AK8: variants seen among roughly 807,000 people sequenced by gnomAD.
AK8 encodes ATP-AMP transphosphorylase 8.
Under a neutral mutation model 54.6 loss-of-function variants are expected in AK8, and 44 were observed. That is an observed-to-expected ratio of 0.81 (90% CI 0.63 to 1.04). AK8 has a LOEUF of 1.04. Among genes scored for constraint, AK8 ranks in the 50% least tolerant of loss-of-function variants. The probability of loss-of-function intolerance (pLI) is 0.00; values close to 1 mark genes in which losing one functional copy is unlikely to be tolerated. For missense variants in AK8, 555 were observed against 613.6 expected, an observed-to-expected ratio of 0.90 and a Z score of 1.01; for synonymous variants, 239 against 245.6, an observed-to-expected ratio of 0.97 and a Z score of 0.25.
intron 4 of AK8, among the ~76,000 whole-genome samples, chr9:132,855,530 G>A (rs1002760858): frequency 2.0e-5 from 3 of 152,116 alleles, no homozygotes; most frequent in Admixed American, 2.0e-4. Flanking sequence ...TGGCCACGGT[G>A]GGAGTGTCTA....
At chr9:132,806,938 T>C (rs1840752004) in intron 10 of AK8, among the ~76,000 whole-genome samples, 1 of 152,154 alleles carries the variant, frequency 6.6e-6, no homozygotes, top group Non-Finnish European at 1.5e-5. Context: ...TATTAGGCCA[T>C]GAGGGACCTT....
At chr9:132,844,132 G>A (rs1427850137) in intron 5 of AK8, among the ~76,000 whole-genome samples, 1 of 152,016 alleles carries the variant, frequency 6.6e-6, no homozygotes. Flanking sequence ...GGTAGTCTGA[G>A]GATTCGGGCA....
chr9:132,854,069 T>G (rs993669158), intron 5 of AK8, among the ~76,000 whole-genome samples: 1 of 151,930 alleles, frequency 6.6e-6, no homozygotes, highest in Non-Finnish European at 1.5e-5. Context: ...GGTGTGGTGA[T>G]GCATGCCTGT....
intron 11 of AK8, among the ~76,000 whole-genome samples, chr9:132,780,716 T>C (rs902815234): frequency 6.6e-6 from 1 of 152,232 alleles, no homozygotes; most frequent in Admixed American, 6.5e-5. Flanking sequence ...ATCTCATTCT[T>C]GGGTGGTTTC....
chr9:132,816,522 C>A (rs1309052653), intron 9 of AK8, among the ~76,000 whole-genome samples: 1 of 152,136 alleles, frequency 6.6e-6, no homozygotes, highest in East Asian at 1.9e-4. Context: ...AAATAACCTG[C>A]TTTAGGTCAC....
intron 2 of AK8, among the ~76,000 whole-genome samples, chr9:132,868,662 C>T (rs1238405788): frequency 6.6e-6 from 1 of 152,208 alleles, no homozygotes; most frequent in Admixed American, 6.5e-5. Context: ...AAGAGAAGCT[C>T]CCAAGGGCAG....
Position 132,844,952 on chromosome 9 carries a change from T to C in AK8, c.402+9905A>G, listed in dbSNP as rs140770847. On this transcript the variant is annotated intron_variant, in intron 5 of 12. Coordinates refer to ENST00000298545, the MANE Select transcript of AK8 (RefSeq NM_152572.3). ...TTTGCATCTCAGTTCTGGGATTTAA[T>C]TGTGGGATCTTCAGCAAGATACACA... is the stretch of plus-strand genomic sequence containing the variant. Among the ~76,000 whole-genome samples the C allele has an allele frequency of 5.6e-4, 86 of 152,310 alleles. 1 individual carries two copies. In the East Asian group the frequency reaches 0.014, roughly 24 times the overall value.
intron 1 of AK8, among the ~76,000 whole-genome samples, chr9:132,877,100 A>T (rs1588251275): frequency 6.6e-6 from 1 of 152,198 alleles, no homozygotes; most frequent in East Asian, 1.9e-4. Flanking sequence ...CAATTCCTCC[A>T]ACAATCAATG....
chr9:132,877,499 C>T (rs1292418511), intron 1 of AK8, among the ~76,000 whole-genome samples: 1 of 152,232 alleles, frequency 6.6e-6, no homozygotes, highest in African/African-American at 2.4e-5. Flanking sequence ...TTCTTCCCCT[C>T]CAGCTCCTGA....
chr9:132,814,836 G>A, intron 9 of AK8, 109 bp from the exon 10 acceptor site: 1 of 885,772 alleles, frequency 1.1e-6, no homozygotes. Flanking sequence ...AAAGGTCACT[G>A]AAAAAAGCAT....
At chr9:132,777,802 G>A (rs933232012) in intron 11 of AK8, among the ~76,000 whole-genome samples, 16 of 152,218 alleles carry the variant, frequency 1.1e-4, no homozygotes, top group African/African-American at 3.6e-4. Flanking sequence ...AAGAGAGATC[G>A]CTGCCAAATG....
At chr9:132,785,160 A>T (rs1453206447) in intron 11 of AK8, among the ~76,000 whole-genome samples, 2 of 148,662 alleles carry the variant, frequency 1.3e-5, no homozygotes, top group Non-Finnish European at 3.0e-5. Context: ...GCTGGAATGC[A>T]GTGGCGTGCT....
rs1336602512 is a variant in AK8, at chr9:132,747,495, T to C, written c.1122-19961A>G. Among the ~76,000 whole-genome samples the C allele has an allele frequency of 2.7e-5, 4 of 150,828 alleles. No homozygotes were observed. The East Asian group carries it at 5.9e-4, about 22-fold the overall frequency. On this transcript the variant is annotated intron_variant, in intron 11 of 12. Transcript: ENST00000298545. ...TGGAGTCTGGTTCTGTCACACAGGCTGGAGTGCAGTGGTGCAATCTTGGCT... is the reference window on the plus strand; with the variant it reads ...TGGAGTCTGGTTCTGTCACACAGGCCGGAGTGCAGTGGTGCAATCTTGGCT...
At chr9:132,875,001 G>C in intron 2 of AK8, 114 bp downstream of exon 2, 1 of 1,350,150 alleles carries the variant, frequency 7.4e-7, no homozygotes, top group Non-Finnish European at 1.0e-6. Flanking sequence ...TCTCGGGATG[G>C]GGCAGGGTTC....
chr9:132,841,674 G>A (rs1842552610), intron 5 of AK8, among the ~76,000 whole-genome samples: 1 of 152,006 alleles, frequency 6.6e-6, no homozygotes, highest in Non-Finnish European at 1.5e-5. Context: ...CCTCCATCTG[G>A]GCCTCAGTTT....
chr9:132,851,809 A>C (rs951822293), intron 5 of AK8, among the ~76,000 whole-genome samples: 2 of 152,232 alleles, frequency 1.3e-5, no homozygotes, highest in African/African-American at 2.4e-5. Flanking sequence ...AAAAATAATG[A>C]CATTTGCCAT....
chr9:132,800,734 G>T (rs1377141894), intron 10 of AK8, among the ~76,000 whole-genome samples: 1 of 152,158 alleles, frequency 6.6e-6, no homozygotes, highest in African/African-American at 2.4e-5. Flanking sequence ...AGCCCTGGGT[G>T]CCCTGCAGAC....
At chr9:132,798,256 C>T (rs1191419254) in intron 10 of AK8, among the ~76,000 whole-genome samples, 2 of 152,182 alleles carry the variant, frequency 1.3e-5, no homozygotes, top group African/African-American at 2.4e-5. Context: ...CCAAACCCAC[C>T]CATGTCTCCT....
intron 11 of AK8, among the ~76,000 whole-genome samples, chr9:132,761,261 TTTCTTTTC>T (rs1209052451): frequency 4.5e-4 from 62 of 138,784 alleles, no homozygotes; most frequent in Middle Eastern, 7.2e-3. Flanking sequence ...TTTCTTTTCT[TTTCTTTTC>T]TTTTTTTTTT....
Sources: allele counts gnomAD v4.1 joint callset (sites outside exome capture counted in the v4.1 genomes callset), GRCh38; gene constraint gnomAD v4.1.1; transcripts MANE v1.5; gene names NCBI Gene and HGNC (gene_info 2026-07-23, HGNC 2026-07-21).